The following GRIK1 variants were observed in gnomAD, a reference collection of about 807,000 sequenced individuals.
GRIK1 encodes the protein glutamate ionotropic receptor kainate type subunit 1, also known as glutamate receptor ionotropic, kainate 1.
Under a neutral mutation model 105.7 loss-of-function variants are expected in GRIK1, and 69 were observed. That is an observed-to-expected ratio of 0.65 (90% CI 0.54 to 0.80). GRIK1 has a LOEUF of 0.80. Among genes scored for constraint, GRIK1 ranks in the 30% least tolerant of loss-of-function variants. GRIK1 has a pLI of 0.00. For synonymous variants in GRIK1, 438 were observed against 431.3 expected, an observed-to-expected ratio of 1.02 and a Z score of -0.19; for missense variants, 1,109 against 1,167.3, an observed-to-expected ratio of 0.95 and a Z score of 0.73.
At chr21:29,912,062 G>A (rs996907838) in intron 1 of GRIK1, among the ~76,000 whole-genome samples, 1 of 151,774 alleles carries the variant, frequency 6.6e-6, no homozygotes, top group African/African-American at 2.4e-5. Flanking sequence ...TACACAGAGA[G>A]AAAGAAAGAG....
chr21:29,926,188 T>C (rs948899838), intron 1 of GRIK1, among the ~76,000 whole-genome samples: 2 of 152,122 alleles, frequency 1.3e-5, no homozygotes, highest in Admixed American at 1.3e-4. Flanking sequence ...TCCCTGGATG[T>C]TAAAATTTCC....
intron 16 of GRIK1, among the ~76,000 whole-genome samples, chr21:29,545,903 T>C (rs2090043388): frequency 6.6e-6 from 1 of 152,220 alleles, no homozygotes; most frequent in African/African-American, 2.4e-5. Flanking sequence ...AGGTAATTAA[T>C]TCACTTTTGG....
At chr21:29,571,376 T>A (rs2090745719) in intron 14 of GRIK1, among the ~76,000 whole-genome samples, 1 of 151,258 alleles carries the variant, frequency 6.6e-6, no homozygotes, top group Non-Finnish European at 1.5e-5. Context: ...AAAAAAAAAA[T>A]TCCACTTAGT....
chr21:29,605,023 T>C (rs1249462934), intron 7 of GRIK1, among the ~76,000 whole-genome samples: 1 of 152,218 alleles, frequency 6.6e-6, no homozygotes, highest in Admixed American at 6.5e-5. Context: ...ATGATTTCTT[T>C]TACTTATTTA....
Position 29,599,233 on chromosome 21 carries a change from A to C in GRIK1, c.1099-296T>G, listed in dbSNP as rs1601226446. Among the ~76,000 whole-genome samples the C allele has an allele frequency of 2.6e-5, 4 of 152,298 alleles. No homozygotes were observed. In the East Asian group the frequency reaches 5.8e-4, roughly 22 times the overall value. On this transcript the variant is annotated intron_variant, in intron 7 of 17. Transcript: ENST00000327783. ...AACAGTCTGCACACGGAATACACAAAATCTGAGAAATCACAATATTCTGTT... is the reference window on the plus strand; with the variant it reads ...AACAGTCTGCACACGGAATACACAACATCTGAGAAATCACAATATTCTGTT...
At chr21:29,596,118 C>A in intron 9 of GRIK1, 1 of 324,618 alleles carries the variant, frequency 3.1e-6, no homozygotes, top group Non-Finnish European at 6.0e-6. Context: ...GAGGCTGTAG[C>A]CTATCTGACT....
rs568952709 is a variant in GRIK1 at position 29,649,932 on chromosome 21, A to G, written c.954+1186T>C. 1.6e-3 allele frequency among the ~76,000 whole-genome samples: 245 copies of G among 152,314 alleles called. 1 individual carries two copies. The highest frequency in any genetic ancestry group is 5.6e-3 in the African/African-American group (232 of 41,580). On this transcript the variant is annotated intron_variant, in intron 6 of 17. Coordinates refer to ENST00000327783, the MANE Select transcript of GRIK1 (RefSeq NM_001330994.2). ...AAATTATAAACCCAAGAGGAAGAAG[A>G]GAAAAACCGATCTATTAGCGTGCTT...
At chr21:29,744,136 T>C (rs1036714274) in intron 1 of GRIK1, among the ~76,000 whole-genome samples, 2 of 152,094 alleles carry the variant, frequency 1.3e-5, no homozygotes, top group African/African-American at 4.8e-5. Flanking sequence ...AAAAATAAAA[T>C]TCTTGAGGAT....
chr21:29,813,648 AATGGGACATTCAAT>A (rs2067071612), intron 1 of GRIK1, among the ~76,000 whole-genome samples: 3 of 152,204 alleles, frequency 2.0e-5, no homozygotes, highest in Admixed American at 2.0e-4. Context: ...GTGTCTAAAG[AATGGGACATTCAAT>A]ATAGTTTACA....
chr21:29,936,020 G>A (rs1034808971), intron 1 of GRIK1, among the ~76,000 whole-genome samples: 7 of 152,170 alleles, frequency 4.6e-5, no homozygotes, highest in African/African-American at 1.7e-4. Flanking sequence ...TCTTACCAAT[G>A]ACACTGTGAG....
Position 29,863,691 on chromosome 21 carries a change from G to A in GRIK1, c.118+75692C>T, listed in dbSNP as rs181770239. 4.6e-5 allele frequency among the ~76,000 whole-genome samples: 7 copies of A among 152,196 alleles called. No individual in the cohort carries two copies. The East Asian group carries it at 1.3e-3, about 29-fold the overall frequency. Reference sequence around the variant, plus strand: ...TTTTATCACAATTTTTAAAAGATCAGCCATGAGTATTTTCATGATTACAAC... The same window carrying A: ...TTTTATCACAATTTTTAAAAGATCAACCATGAGTATTTTCATGATTACAAC... On this transcript the variant is annotated intron_variant, in intron 1 of 17. Coordinates refer to ENST00000327783, the MANE Select transcript of GRIK1 (RefSeq NM_001330994.2).
chr21:29,738,184 T>C (rs384293), intron 1 of GRIK1, among the ~76,000 whole-genome samples: 104,217 of 152,250 alleles, frequency 0.68, 41,279 homozygotes, highest in Non-Finnish European at 0.89. Context: ...GGTTTCCCAC[T>C]TGGGAAATTT....
At chr21:29,849,600 G>A (rs1601848245) in intron 1 of GRIK1, among the ~76,000 whole-genome samples, 1 of 152,274 alleles carries the variant, frequency 6.6e-6, no homozygotes, top group Admixed American at 6.5e-5. Flanking sequence ...CCAATAAAAG[G>A]CCGTTTGTTT....
rs1346481037 is a variant in GRIK1 at position 29,825,183 on chromosome 21, G to T, written c.118+114200C>A. 3.9e-5 allele frequency among the ~76,000 whole-genome samples: 6 copies of T among 152,104 alleles called. No individual in the cohort carries two copies. The East Asian group carries it at 1.2e-3, about 29-fold the overall frequency. ...GATGTTGTGTGTTTCTTGGATTCTTGTTTAAAAGTTACAATTTCTTTTTTT... is the reference window on the plus strand; with the variant it reads ...GATGTTGTGTGTTTCTTGGATTCTTTTTTAAAAGTTACAATTTCTTTTTTT... On this transcript the variant is annotated intron_variant, in intron 1 of 17. Coordinates refer to ENST00000327783, the MANE Select transcript of GRIK1 (RefSeq NM_001330994.2).
chr21:29,699,553 G>T (rs1299478959), intron 1 of GRIK1, among the ~76,000 whole-genome samples: 1 of 152,016 alleles, frequency 6.6e-6, no homozygotes, highest in African/African-American at 2.4e-5. Flanking sequence ...TTAAGTGTCT[G>T]TTGTTTAAGC....
At chr21:29,831,850 A>C (rs552193957) in intron 1 of GRIK1, among the ~76,000 whole-genome samples, 26 of 152,230 alleles carry the variant, frequency 1.7e-4, no homozygotes, top group African/African-American at 5.8e-4. Flanking sequence ...ACAGTTCCCC[A>C]AAGTCTTAAC....
intron 1 of GRIK1, among the ~76,000 whole-genome samples, chr21:29,873,958 C>A (rs1353495467): frequency 6.6e-6 from 1 of 152,150 alleles, no homozygotes; most frequent in Non-Finnish European, 1.5e-5. Context: ...TCGTGAGGGG[C>A]GCACAACCCA....
intron 1 of GRIK1, among the ~76,000 whole-genome samples, chr21:29,712,079 TACATACACACACAC>T (rs1472183503): frequency 3.6e-4 from 11 of 30,350 alleles, no homozygotes; most frequent in Admixed American, 3.1e-3. Context: ...TATGTATACA[TACATACACACACAC>T]ACACACACAC....
intron 1 of GRIK1, among the ~76,000 whole-genome samples, chr21:29,908,475 C>T (rs897739100): frequency 3.9e-5 from 6 of 152,046 alleles, no homozygotes; most frequent in Non-Finnish European, 7.4e-5. Flanking sequence ...GAAAGGAAGC[C>T]GAACAGCAGA....
Sources: allele counts gnomAD v4.1 joint callset (sites outside exome capture counted in the v4.1 genomes callset), GRCh38; gene constraint gnomAD v4.1.1; transcripts MANE v1.5; gene names NCBI Gene and HGNC (gene_info 2026-07-23, HGNC 2026-07-21).